The following YJU2B variants were observed in gnomAD, a reference collection of about 807,000 sequenced individuals.
YJU2B encodes the protein probable splicing factor YJU2B.
Under a neutral mutation model 38.0 loss-of-function variants are expected in YJU2B, and 18 were observed. That is an observed-to-expected ratio of 0.47 (90% CI 0.33 to 0.70). The LOEUF (loss-of-function observed/expected upper bound fraction) is 0.70. Among genes scored for constraint, YJU2B ranks in the 30% least tolerant of loss-of-function variants. YJU2B has a pLI of 0.02. For missense variants in YJU2B, 538 were observed against 556.3 expected (o/e 0.97, Z 0.33); for synonymous variants, 246 against 225.4 (o/e 1.09, Z -0.82).
intron 2 of YJU2B, among the ~76,000 whole-genome samples, chr19:13,753,080 T>G (rs1185957730): frequency 1.3e-5 from 2 of 152,176 alleles, no homozygotes; most frequent in South Asian, 4.1e-4. Flanking sequence ...CATAGGAGCA[T>G]CTGAACCTCA....
At chr19:13,762,182 G>GA (rs778071570) in intron 8 of YJU2B, 117 bp from the exon 9 acceptor site, 34 of 1,249,056 alleles carry the variant, frequency 2.7e-5, no homozygotes, top group Non-Finnish European at 3.8e-5. Context: ...GCGACAGAAT[G>GA]AAACTGTCTC....
exon 1 of YJU2B, chr19:13,731,936 C>T (rs1972829444): frequency 6.6e-6 from 1 of 152,254 alleles, no homozygotes; most frequent in South Asian, 2.1e-4. Context: ...TCCAGGGTAG[C>T]TCCCTCCCTC....
intron 2 of YJU2B, 102 bp from the exon 3 acceptor site, chr19:13,754,187 A>G (rs950882274): frequency 1.1e-6 from 1 of 888,796 alleles, no homozygotes; most frequent in African/African-American, 1.7e-5. Flanking sequence ...ATTAATAGTA[A>G]AATAAAAAAT....
Position 13,738,576 on chromosome 19 carries a change from C to T in YJU2B, c.-202+6291C>T, listed in dbSNP as rs565850661. On this transcript the variant is annotated intron_variant, in intron 2 of 10. Transcript: ENST00000586600. ...GAGTTCAAAACCAGCCTGGCCAACA[C>T]GGTGAAACCCCGTCTCTATTAAAAA... is the stretch of plus-strand genomic sequence containing the variant. Among the ~76,000 whole-genome samples the T allele has an allele frequency of 2.8e-4, 42 of 152,098 alleles. 1 individual carries two copies. Among genetic ancestry groups the T allele is most frequent in the Middle Eastern group, 6.8e-3 (2 of 294 alleles).
upstream of YJU2B, among the ~76,000 whole-genome samples, chr19:13,745,700 T>TAGAC (rs879294355): frequency 1.9e-5 from 2 of 104,356 alleles, no homozygotes; most frequent in Non-Finnish European, 3.9e-5. Flanking sequence ...GATATAGATA[T>TAGAC]ATAGATATCT....
chr19:13,763,210 C>A lies in YJU2B; in HGVS notation c.*142C>A. 1 of 624,742 alleles carries A rather than the reference C, an allele frequency of 1.6e-6. No homozygotes were observed. The highest frequency in any genetic ancestry group is 2.7e-6 in the Non-Finnish European group (1 of 369,416). 38.7% of individuals were successfully genotyped at this position (624,742 alleles called of 1,614,324 possible). On this transcript the variant is annotated 3_prime_UTR_variant, in exon 10 of 10. Transcript: ENST00000221554. ...ATCCTCCCCAGACCGCGCCTTCCTG[C>A]AACCGTGGAGTTATTTATTTGGTCC... is the stretch of plus-strand genomic sequence containing the variant.
Position 13,762,888 on chromosome 19 carries a change from T to C in YJU2B, c.1011T>C (p.Pro337=). The C allele has an allele frequency of 1.2e-6, 2 of 1,611,226 alleles. No individual in the cohort carries two copies. The highest frequency in any genetic ancestry group is 1.7e-6 in the Non-Finnish European group (2 of 1,179,496). Residue 337 remains proline, a synonymous_variant, in exon 10 of 10, where the codon CCT becomes CCC. Transcript: ENST00000221554. ...GGCCCATGTCCCCCGGAGACTGTCCTCCGGAAACAACTGAGACCCCCAAGT... is the reference window on the plus strand; with the variant it reads ...GGCCCATGTCCCCCGGAGACTGTCCCCCGGAAACAACTGAGACCCCCAAGT... ...QDRPMSPGDC[P]PETTETPKCS...
At chr19:13,746,763 C>T (rs972461769), upstream of YJU2B, among the ~76,000 whole-genome samples, 6 of 152,028 alleles carry the variant, frequency 3.9e-5, no homozygotes, top group African/African-American at 1.2e-4. Flanking sequence ...AAAAAATAGC[C>T]GGGCGTGGTG....
rs139689890 is a variant in YJU2B at position 13,749,060 on chromosome 19, G to A, written c.-202+1106G>A. Among the ~76,000 whole-genome samples, 702 of 152,268 alleles carry A rather than the reference G, an allele frequency of 4.6e-3. 7 individuals carry two copies. The highest frequency in any genetic ancestry group is 0.016 in the African/African-American group (678 of 41,542). ...CTCTTGTCACCTTGGATGGAGTGCA[G>A]TGGCGTGATCTCGGTTCACTGCAAC... On this transcript the variant is annotated intron_variant, in intron 1 of 9. Transcript: ENST00000221554.
rs1255839173 is a variant in YJU2B at position 13,763,244 on chromosome 19, G to GT, written c.*177dup. 5.3e-6 allele frequency: 3 copies of GT among 560,956 alleles called. No homozygotes were observed. The highest frequency in any genetic ancestry group is 3.8e-5 in the African/African-American group (2 of 52,670). The allele number at this position is 560,956 out of a possible 1,614,324, so 34.7% of individuals were successfully genotyped here. On this transcript the variant is annotated 3_prime_UTR_variant, in exon 10 of 10. Transcript: ENST00000221554. ...AGTTATTTATTTGGTCCTGGTGAGG[G>GT]TGTTTGTGCCTTGTGAGACTCCGTA... is the stretch of plus-strand genomic sequence containing the variant.
intron 2 of YJU2B, among the ~76,000 whole-genome samples, chr19:13,740,259 C>T (rs402084): frequency 0.59 from 90,346 of 151,954 alleles, 27,051 homozygotes; most frequent in Middle Eastern, 0.72. Context: ...GTCACCCAGG[C>T]CGAGTACAGT....
intron 2 of YJU2B, among the ~76,000 whole-genome samples, chr19:13,752,627 C>T (rs1205633275): frequency 6.6e-6 from 1 of 152,080 alleles, no homozygotes; most frequent in African/African-American, 2.4e-5. Flanking sequence ...GCCTGTAGTC[C>T]CAGCCACTCT....
intron 3 of YJU2B, 135 bp downstream of exon 3, chr19:13,754,477 G>A (rs546594750): frequency 5.5e-5 from 40 of 729,654 alleles, no homozygotes; most frequent in South Asian, 3.0e-4. Context: ...CCTGAGTCTC[G>A]AGGCTGTCTT....
In YJU2B at chr19:13,736,626, GATTC is replaced by G. The variant is rs200914289; in HGVS notation, c.-202+4351_-202+4354del. On this transcript the variant is annotated intron_variant, in intron 2 of 10. Coordinates refer to the YJU2B transcript ENST00000586600. ...CCAAAGACTCCCTCATTCATTTATT[GATTC>G]ATTCATTCAGTGTATTTACTGAGTG... 9.6e-3 allele frequency among the ~76,000 whole-genome samples: 1,462 copies of G among 152,164 alleles called. 20 individuals are homozygous for G. The highest frequency in any genetic ancestry group is 0.034 in the African/African-American group (1,397 of 41,536).
Position 13,762,911 on chromosome 19 carries a change from A to C in YJU2B, c.1034A>C (p.Lys345Thr). The change falls in exon 10 of 10, where the codon AAG becomes ACG. Residue 345 changes from lysine to threonine, a missense_variant. Lys to Thr is a moderately conservative substitution (Grantham distance 78). Around this residue, in one of 2 missense-constraint regions of YJU2B, gnomAD observed 488 missense variants for 469.5 expected, o/e 1.04. Transcript: ENST00000221554. Reference protein sequence around the residue: ...DCPPETTETPKCSSPRGQEGS... With the variant: ...DCPPETTETPTCSSPRGQEGS... The stretch of plus-strand genomic sequence containing the variant: ...CCTCCGGAAACAACTGAGACCCCCA[A>C]GTGCAGCAGCCCGAGGGGGCAGGAA... 1 of 1,611,836 alleles carries C rather than the reference A, an allele frequency of 6.2e-7. No individual in the cohort carries two copies. Among genetic ancestry groups the C allele is most frequent in the South Asian group, 1.1e-5 (1 of 90,948 alleles).
At chr19:13,749,645 T>TC (rs1449274797) in intron 1 of YJU2B, among the ~76,000 whole-genome samples, 2 of 150,532 alleles carry the variant, frequency 1.3e-5, no homozygotes, top group Admixed American at 6.6e-5. Flanking sequence ...TTTTTTTTTT[T>TC]TTTTTGAGAT....
chr19:13,736,845 A>C (rs2145080272), intron 2 of YJU2B, among the ~76,000 whole-genome samples: 1 of 151,994 alleles, frequency 6.6e-6, no homozygotes, highest in African/African-American at 2.4e-5. Flanking sequence ...CAGCCTGGCC[A>C]ACATGGCGAA....
intron 2 of YJU2B, among the ~76,000 whole-genome samples, chr19:13,735,824 G>A (rs189465856): frequency 1.9e-4 from 29 of 152,076 alleles, no homozygotes; most frequent in Admixed American, 5.2e-4. Flanking sequence ...AAGCCAAGGC[G>A]GGCGGATCAC....
intron 1 of YJU2B, among the ~76,000 whole-genome samples, chr19:13,748,887 G>A (rs562476257): frequency 6.6e-6 from 1 of 152,320 alleles, no homozygotes; most frequent in South Asian, 2.1e-4. Flanking sequence ...ACACTTTATA[G>A]TTGGAGGATA....
Sources: allele counts gnomAD v4.1 joint callset (sites outside exome capture counted in the v4.1 genomes callset), GRCh38; gene constraint gnomAD v4.1.1; regional missense constraint gnomAD v4.1.1; transcripts MANE v1.5; gene names NCBI Gene and HGNC (gene_info 2026-07-23, HGNC 2026-07-21).